LMBRD1: variants seen among roughly 807,000 people sequenced by gnomAD.
LMBRD1 encodes lysosomal cobalamin transport escort protein LMBD1.
In LMBRD1, 64 loss-of-function variants were observed where a neutral mutation model predicts 74.8. The observed-to-expected ratio is 0.86, with a 90% CI of 0.70 to 1.05. LMBRD1 has a LOEUF of 1.05. Among genes scored for constraint, LMBRD1 ranks in the 50% least tolerant of loss-of-function variants. LMBRD1 has a pLI of 0.00. For missense variants in LMBRD1, 652 were observed against 645.9 expected (o/e 1.01, Z -0.10); for synonymous variants, 204 against 216.3 (o/e 0.94, Z 0.50).
chr6:69,696,597 A>G (rs1479757670), intron 14 of LMBRD1, among the ~76,000 whole-genome samples: 1 of 151,960 alleles, frequency 6.6e-6, no homozygotes, highest in African/African-American at 2.4e-5. Flanking sequence ...TCTTCTGCCT[A>G]GAACAGCCTT....
rs534272142 is a variant in LMBRD1, at chr6:69,771,102, G to A, written c.307+9392C>T. 7.2e-5 allele frequency among the ~76,000 whole-genome samples: 11 copies of A among 152,262 alleles called. No homozygotes were observed. In the East Asian group the frequency reaches 2.1e-3, roughly 29 times the overall value. ...GTAAGAGGCTACTCAAAACTTAGTGGTTTAAAAAAACATTTACTGACAGAT... is the reference window on the plus strand; with the variant it reads ...GTAAGAGGCTACTCAAAACTTAGTGATTTAAAAAAACATTTACTGACAGAT... On this transcript the variant is annotated intron_variant, in intron 3 of 15. Transcript: ENST00000649934.
intron 5 of LMBRD1, among the ~76,000 whole-genome samples, chr6:69,747,341 T>C (rs1767259052): frequency 6.6e-6 from 1 of 152,208 alleles, no homozygotes; most frequent in South Asian, 2.1e-4. Context: ...GGAAGAGAAC[T>C]CTCACCAGAA....
chr6:69,780,418 G>T (rs1765805249), intron 3 of LMBRD1, 76 bp downstream of exon 3: 1 of 1,065,180 alleles, frequency 9.4e-7, no homozygotes, highest in Non-Finnish European at 1.5e-6. Context: ...AAGAACCTGG[G>T]GTTCTCCACT....
intron 3 of LMBRD1, among the ~76,000 whole-genome samples, chr6:69,767,272 T>C (rs1025639967): frequency 6.6e-6 from 1 of 151,666 alleles, no homozygotes; most frequent in Non-Finnish European, 1.5e-5. Flanking sequence ...CTCTTCTTTT[T>C]CTGTTTTCCT....
At position 69,675,710 on chromosome 6, in the gene LMBRD1, T is replaced by C. The variant is rs1765530353; in HGVS notation, c.*448A>G. On this transcript the variant is annotated 3_prime_UTR_variant, in exon 16 of 16. Coordinates refer to ENST00000649934, the MANE Select transcript of LMBRD1 (RefSeq NM_018368.4). ...TGCAGAAAACTGAAAACAATTTGCA[T>C]ATGGGAGTAACATTCATCAGCTATA... 5.7e-6 allele frequency: 1 copy of C among 176,440 alleles called. No individual in the cohort carries two copies. The highest frequency in any genetic ancestry group is 5.5e-5 in the Admixed American group (1 of 18,162). The allele number at this position is 176,440 out of a possible 1,614,324, so 10.9% of individuals were successfully genotyped here.
chr6:69,713,701 C>A lies in LMBRD1; in HGVS notation c.859G>T (p.Glu287Ter), dbSNP rs1303198794. Reference protein sequence around the residue: ...RTLKKRERHLEFIENSWWTKF... With the variant: ...RTLKKRERHL ...GTCCACCAGCTGTTTTCAATGAATT[C>A]TAAATGCCTCTCTCTCTTCTTAAGT... is the stretch of plus-strand genomic sequence containing the variant. Residue 287 changes from glutamate to a stop codon, truncating the protein, a stop_gained, in exon 9 of 16, where the codon GAA becomes TAA. Transcript: ENST00000649934. LOFTEE classifies it high-confidence loss of function. 2 of 1,613,748 alleles carry A rather than the reference C, an allele frequency of 1.2e-6. No homozygotes were observed. Among genetic ancestry groups the A allele is most frequent in the Admixed American group, 1.7e-5 (1 of 59,948 alleles).
intron 3 of LMBRD1, among the ~76,000 whole-genome samples, chr6:69,761,952 C>T (rs1765384427): frequency 6.6e-6 from 1 of 152,188 alleles, no homozygotes; most frequent in Admixed American, 6.5e-5. Context: ...TCTGTTAACA[C>T]ATAATAAATA....
intron 14 of LMBRD1, among the ~76,000 whole-genome samples, chr6:69,690,310 T>C (rs564690092): frequency 6.6e-6 from 1 of 152,154 alleles, no homozygotes; most frequent in South Asian, 2.1e-4. Context: ...TCACTCAAGA[T>C]CTCCACTTGA....
intron 3 of LMBRD1, among the ~76,000 whole-genome samples, chr6:69,766,397 T>C (rs932700485): frequency 6.6e-6 from 1 of 152,006 alleles, no homozygotes; most frequent in Admixed American, 6.6e-5. Flanking sequence ...TTTTTTTGCA[T>C]CTATTGAGAT....
At chr6:69,694,245 G>C (rs1011497658) in intron 14 of LMBRD1, among the ~76,000 whole-genome samples, 5 of 151,984 alleles carry the variant, frequency 3.3e-5, no homozygotes, top group African/African-American at 9.7e-5. Flanking sequence ...ATTTGTTTTT[G>C]TTTTACAGCT....
At chr6:69,687,281 A>C (rs890708726) in intron 14 of LMBRD1, among the ~76,000 whole-genome samples, 2 of 152,164 alleles carry the variant, frequency 1.3e-5, no homozygotes, top group Non-Finnish European at 2.9e-5. Flanking sequence ...TCCTGTACCT[A>C]AAATTTCAAA....
intron 3 of LMBRD1, among the ~76,000 whole-genome samples, chr6:69,759,714 C>T (rs1327398185): frequency 6.6e-6 from 1 of 151,978 alleles, no homozygotes; most frequent in Non-Finnish European, 1.5e-5. Flanking sequence ...TTCTAGGGAG[C>T]AGTATACAGC....
intron 14 of LMBRD1, among the ~76,000 whole-genome samples, chr6:69,688,565 CTACCTTCAGT>C (rs1765814813): frequency 6.6e-6 from 1 of 151,954 alleles, no homozygotes; most frequent in African/African-American, 2.4e-5. Context: ...GTTTCAGTAA[CTACCTTCAGT>C]TACCTTCAGT....
At chr6:69,697,312 T>C (rs1220675023) in intron 14 of LMBRD1, among the ~76,000 whole-genome samples, 24 of 152,012 alleles carry the variant, frequency 1.6e-4, no homozygotes, top group Admixed American at 1.6e-3. Context: ...TGATTTCTTA[T>C]TATACTAGTA....
At chr6:69,782,377 T>C (rs1362806547) in intron 2 of LMBRD1, among the ~76,000 whole-genome samples, 1 of 152,186 alleles carries the variant, frequency 6.6e-6, no homozygotes, top group African/African-American at 2.4e-5. Context: ...AGTGAACTAC[T>C]TGTACCTACT....
At chr6:69,790,636 T>C (rs1697886810) in intron 1 of LMBRD1, 164 bp from the exon 2 acceptor site, 4 of 670,334 alleles carry the variant, frequency 6.0e-6, no homozygotes, top group Admixed American at 4.6e-5. Flanking sequence ...AGATGTATAA[T>C]TTTCAAAGCC....
Position 69,713,749 on chromosome 6 carries a change from G to C in LMBRD1, c.811C>G (p.Gln271Glu), listed in dbSNP as rs773810455. Reference sequence around the variant, plus strand: ...AGTGTTCGTAACCTTTCTTCAAATTGTTTTAAGGCGCGTTTATCCCTTGCT... The same window carrying C: ...AGTGTTCGTAACCTTTCTTCAAATTCTTTTAAGGCGCGTTTATCCCTTGCT... Reference protein sequence around the residue: ...LPARDKRALKQFEERLRTLKK... With the variant: ...LPARDKRALKEFEERLRTLKK... The change falls in exon 9 of 16, where the codon CAA becomes GAA. Residue 271 changes from glutamine (Q) to glutamate (E), a missense_variant. By Grantham distance (29) the Gln-to-Glu change is conservative. This residue lies in a region of LMBRD1 where 598 missense variants were observed against 581.8 expected (regional missense o/e 1.03). Coordinates refer to ENST00000649934, the MANE Select transcript of LMBRD1 (RefSeq NM_018368.4). 2 of 1,613,620 alleles carry C rather than the reference G, an allele frequency of 1.2e-6. No homozygotes were observed. Among genetic ancestry groups the C allele is most frequent in the Admixed American group, 1.7e-5 (1 of 59,922 alleles).
chr6:69,752,450 T>G (rs1172096061), intron 3 of LMBRD1, 94 bp from the exon 4 acceptor site: 1 of 1,010,304 alleles, frequency 9.9e-7, no homozygotes, highest in Non-Finnish European at 1.5e-6. Flanking sequence ...CTTAACAAAT[T>G]CACTCCCCTA....
chr6:69,718,990 T>G lies in LMBRD1; in HGVS notation c.728A>C (p.Glu243Ala). 1 of 1,613,446 alleles carries G rather than the reference T, an allele frequency of 6.2e-7. No homozygotes were observed. Among genetic ancestry groups the G allele is most frequent in the East Asian group, 2.2e-5 (1 of 44,836 alleles). The stretch of plus-strand genomic sequence containing the variant: ...AATCGTTTGAATGTGTTGTTCTACT[T>G]CTTCAATGTCTTCAGTGTTTTCCAA... ...ERLENTEDIE[E>A]VEQHIQTIKS... The change falls in exon 8 of 16, where the codon GAA becomes GCA. Residue 243 changes from glutamate (E) to alanine (A), a missense_variant. By Grantham distance (107) the Glu-to-Ala change is moderately radical. This residue lies in a region of LMBRD1 where 598 missense variants were observed against 581.8 expected (regional missense o/e 1.03). Coordinates refer to ENST00000649934, the MANE Select transcript of LMBRD1 (RefSeq NM_018368.4).
Sources: gnomAD v4.1 joint callset for allele counts (sites outside exome capture counted in the v4.1 genomes callset) on GRCh38, gnomAD v4.1.1 for gene constraint, gnomAD v4.1.1 regional missense constraint, MANE v1.5 for transcripts, NCBI Gene and HGNC (gene_info 2026-07-23, HGNC 2026-07-21) for gene names.